FSD2: variants seen among roughly 807,000 people sequenced by gnomAD.
FSD2 encodes fibronectin type III and SPRY domain-containing protein 2.
Under a neutral mutation model 80.4 loss-of-function variants are expected in FSD2, and 71 were observed. The ratio of observed to expected loss-of-function variants is 0.88; its 90% confidence interval spans 0.73 to 1.08. FSD2 has a LOEUF of 1.08. Ranked by LOEUF, FSD2 falls within the 50% of genes least tolerant of loss-of-function variation. FSD2 has a pLI of 0.00. For synonymous variants in FSD2, 361 were observed against 329.5 expected, an observed-to-expected ratio of 1.10 and a Z score of -1.03; for missense variants, 923 against 913.8, an observed-to-expected ratio of 1.01 and a Z score of -0.13.
Position 82,782,882 on chromosome 15 carries a change from G to T in FSD2, c.879C>A (p.Val293=). 6.2e-7 allele frequency: 1 copy of T among 1,613,868 alleles called. No individual in the cohort carries two copies. The highest frequency in any genetic ancestry group is 1.1e-5 in the South Asian group (1 of 91,080). Residue 293 remains valine (V), a synonymous_variant, in exon 4 of 13, where the codon GTC becomes GTA. Transcript: ENST00000334574. The part of the protein sequence containing the change: ...EKLEALYGQL[V]SCGENLDTCK... The stretch of plus-strand genomic sequence containing the variant: ...AAGTATCTAGGTTTTCTCCACAGCT[G>T]ACCAGTTGTCCATATAAGGCTTCCA...
chr15:82,799,421 C>T (rs2050357646), intron 1 of FSD2, among the ~76,000 whole-genome samples: 3 of 152,138 alleles, frequency 2.0e-5, no homozygotes, highest in Non-Finnish European at 4.4e-5. Flanking sequence ...GCCCTCTTCC[C>T]ACTCTCCACT....
intron 7 of FSD2, among the ~76,000 whole-genome samples, chr15:82,770,758 G>A (rs1458244316): frequency 6.6e-6 from 1 of 152,152 alleles, no homozygotes; most frequent in South Asian, 2.1e-4. Context: ...TGGTTATGCA[G>A]CAAAAACTAA....
rs745844045 is a variant in FSD2, at chr15:82,758,517, C to T, written c.*831G>A. ...CCACAGATGCCCTTCTGTTCTTTCA[C>T]GCTGCCTCCATTCTAGGTTTTTTCC... On this transcript the variant is annotated 3_prime_UTR_variant, in exon 13 of 13. Coordinates refer to ENST00000334574, the MANE Select transcript of FSD2 (RefSeq NM_001007122.4). 1 of 153,206 alleles carries T rather than the reference C, an allele frequency of 6.5e-6. No individual in the cohort carries two copies. The highest frequency in any genetic ancestry group is 6.5e-5 in the Admixed American group (1 of 15,288). The allele number at this position is 153,206 out of a possible 1,614,324, so 9.5% of individuals were successfully genotyped here.
At chr15:82,794,228 CT>C (rs1467943268) in intron 1 of FSD2, among the ~76,000 whole-genome samples, 1 of 152,038 alleles carries the variant, frequency 6.6e-6, no homozygotes, top group African/African-American at 2.4e-5. Context: ...TTCATTTCTT[CT>C]TTGACCCATT....
chr15:82,787,520 A>G (rs961856818), intron 1 of FSD2, 52 bp from the exon 2 acceptor site: 40 of 831,538 alleles, frequency 4.8e-5, no homozygotes, highest in Admixed American at 1.4e-4. Context: ...GCATTGCAGT[A>G]GATGATCATT....
At position 82,785,393 on chromosome 15, in the gene FSD2, C is replaced by T. The variant is rs180920938; in HGVS notation, c.735+1118G>A. 4.0e-3 allele frequency among the ~76,000 whole-genome samples: 598 copies of T among 150,660 alleles called. 4 individuals are homozygous for T. Among genetic ancestry groups the T allele is most frequent in the Middle Eastern group, 6.8e-3 (2 of 294 alleles). ...AGGTTGGAGTGCAGTGGTGTGATCT[C>T]GGCTCACTGCAACCTCTGCCTCCCG... On this transcript the variant is annotated intron_variant, in intron 3 of 12. Coordinates refer to ENST00000334574, the MANE Select transcript of FSD2 (RefSeq NM_001007122.4).
chr15:82,787,765 AATTATT>A (rs928067542), intron 1 of FSD2, among the ~76,000 whole-genome samples: 2 of 151,532 alleles, frequency 1.3e-5, no homozygotes, highest in African/African-American at 4.8e-5. Flanking sequence ...CATCTCAGGC[AATTATT>A]ATTATTATTA....
chr15:82,765,742 G>T (rs998042625), intron 10 of FSD2, among the ~76,000 whole-genome samples, 156 bp downstream of exon 10: 1 of 152,176 alleles, frequency 6.6e-6, no homozygotes, highest in African/African-American at 2.4e-5. Context: ...TGCAATTAGG[G>T]CAGTATGGGA....
chr15:82,790,644 C>T lies in FSD2; in HGVS notation c.-78-3176G>A, dbSNP rs145947258. Among the ~76,000 whole-genome samples the T allele has an allele frequency of 2.7e-3, 403 of 151,060 alleles. 3 individuals are homozygous for T. The highest frequency in any genetic ancestry group is 9.3e-3 in the African/African-American group (381 of 41,116). ...AGGGTGGAGTCCAGTGGCGCGATCT[C>T]GGCTCACTGCAACCTCCGCCTCCCG... is the stretch of plus-strand genomic sequence containing the variant. On this transcript the variant is annotated intron_variant, in intron 1 of 12. Transcript: ENST00000334574.
chr15:82,804,666 T>C (rs1487759281), intron 1 of FSD2, among the ~76,000 whole-genome samples: 1 of 152,152 alleles, frequency 6.6e-6, no homozygotes, highest in Non-Finnish European at 1.5e-5. Flanking sequence ...CAATAAATCA[T>C]CATGAGAAAT....
intron 1 of FSD2, among the ~76,000 whole-genome samples, chr15:82,793,740 GA>G (rs1479693916): frequency 2.0e-5 from 3 of 152,082 alleles, no homozygotes; most frequent in Non-Finnish European, 4.4e-5. Context: ...GTCTTTCTAG[GA>G]AATGTCTATT....
intron 1 of FSD2, among the ~76,000 whole-genome samples, chr15:82,797,273 G>C (rs1206046075): frequency 1.3e-5 from 2 of 152,180 alleles, no homozygotes; most frequent in Non-Finnish European, 2.9e-5. Context: ...ATTTCAGAAA[G>C]AGTTCAAAAA....
chr15:82,773,980 A>G (rs2049651278), intron 6 of FSD2, among the ~76,000 whole-genome samples: 1 of 152,226 alleles, frequency 6.6e-6, no homozygotes, highest in African/African-American at 2.4e-5. Context: ...GTCCACAATC[A>G]TGTTGTTCAG....
intron 1 of FSD2, among the ~76,000 whole-genome samples, chr15:82,789,271 T>G (rs1022160809): frequency 1.3e-5 from 2 of 151,954 alleles, no homozygotes; most frequent in African/African-American, 4.8e-5. Context: ...TACAATATGA[T>G]GTTAAGCAAA....
intron 6 of FSD2, among the ~76,000 whole-genome samples, chr15:82,777,135 G>T (rs544287001): frequency 6.6e-6 from 1 of 152,170 alleles, no homozygotes; most frequent in Non-Finnish European, 1.5e-5. Flanking sequence ...AGAAAACATA[G>T]GTGAATAGCT....
intron 1 of FSD2, among the ~76,000 whole-genome samples, chr15:82,788,221 C>T (rs550387387): frequency 5.3e-5 from 8 of 151,774 alleles, no homozygotes; most frequent in Non-Finnish European, 8.8e-5. Context: ...ACAGGCCTGG[C>T]GTGGTGGCTC....
intron 1 of FSD2, among the ~76,000 whole-genome samples, chr15:82,803,173 T>G (rs114087747): frequency 6.6e-6 from 1 of 152,020 alleles, no homozygotes; most frequent in East Asian, 1.9e-4. Context: ...AAGCACAGAG[T>G]CTGTGCCAAA....
At chr15:82,775,099 A>T (rs2049683415) in intron 6 of FSD2, among the ~76,000 whole-genome samples, 1 of 151,660 alleles carries the variant, frequency 6.6e-6, no homozygotes, top group Non-Finnish European at 1.5e-5. Context: ...GGTTTTCTAC[A>T]ATAAAATCAT....
At chr15:82,783,047 T>C (rs762886145) in intron 3 of FSD2, 22 bp from the exon 4 acceptor site, 2 of 1,535,652 alleles carry the variant, frequency 1.3e-6, no homozygotes, top group Admixed American at 3.4e-5. Context: ...TTGATCTCAG[T>C]CATCATTTCA....
Sources: allele counts gnomAD v4.1 joint callset (sites outside exome capture counted in the v4.1 genomes callset), GRCh38; gene constraint gnomAD v4.1.1; transcripts MANE v1.5; gene names NCBI Gene and HGNC (gene_info 2026-07-23, HGNC 2026-07-21).